Variants in KNTC1 observed in about 807,000 individuals in gnomAD.
KNTC1 encodes the protein kinetochore associated 1.
A neutral mutation model predicts 314.4 loss-of-function variants in KNTC1; 253 were observed. That is an observed-to-expected ratio of 0.80 (90% CI 0.73 to 0.89). The LOEUF (loss-of-function observed/expected upper bound fraction) is 0.89. Among genes scored for constraint, KNTC1 ranks in the 40% least tolerant of loss-of-function variants. The pLI is 0.00. For synonymous variants in KNTC1, 901 were observed against 901.4 expected (o/e 1.00, Z 0.01); for missense variants, 2,475 against 2,572.9 (o/e 0.96, Z 0.82).
At chr12:122,598,971 C>T (rs911242465) in intron 44 of KNTC1, among the ~76,000 whole-genome samples, 15 of 151,560 alleles carry the variant, frequency 9.9e-5, no homozygotes, top group Admixed American at 2.0e-4. Flanking sequence ...TGCCATACCC[C>T]AGTAATTTTT....
At chr12:122,568,162 G>A (rs1378240789) in intron 20 of KNTC1, 99 bp from the exon 21 acceptor site, 2 of 664,384 alleles carry the variant, frequency 3.0e-6, no homozygotes, top group East Asian at 5.3e-5. Context: ...CCTTTATGAA[G>A]AAGAAAACTA....
chr12:122,534,455 C>T (rs546850234), intron 2 of KNTC1, among the ~76,000 whole-genome samples: 1 of 152,256 alleles, frequency 6.6e-6, no homozygotes, highest in African/African-American at 2.4e-5. Flanking sequence ...CCTGCTCATC[C>T]TGAACTGTTT....
intron 63 of KNTC1, among the ~76,000 whole-genome samples, chr12:122,625,040 C>CTTGG (rs1874869885): frequency 1.3e-5 from 2 of 152,104 alleles, no homozygotes; most frequent in African/African-American, 4.8e-5. Context: ...TATTGTCATG[C>CTTGG]TTGGGTATTA....
chr12:122,538,724 G>T, intron 4 of KNTC1, among the ~76,000 whole-genome samples: 1 of 152,176 alleles, frequency 6.6e-6, no homozygotes, highest in Non-Finnish European at 1.5e-5. Flanking sequence ...CAGCGTATGG[G>T]AAAGGGATCC....
chr12:122,554,692 C>T (rs1344871434), intron 16 of KNTC1, among the ~76,000 whole-genome samples: 1 of 151,950 alleles, frequency 6.6e-6, no homozygotes, highest in Non-Finnish European at 1.5e-5. Flanking sequence ...AACAGAAAAT[C>T]TGTGAAAGAA....
At chr12:122,587,372 A>G (rs1384178220) in intron 38 of KNTC1, among the ~76,000 whole-genome samples, 1 of 152,246 alleles carries the variant, frequency 6.6e-6, no homozygotes, top group Admixed American at 6.5e-5. Context: ...TATTATTTTT[A>G]CATTGTTATT....
rs775432207 is a variant in KNTC1 at position 122,604,979 on chromosome 12, G to T, written c.5278G>T (p.Glu1760Ter). 2 of 1,612,936 alleles carry T rather than the reference G, an allele frequency of 1.2e-6. No homozygotes were observed. The highest frequency in any genetic ancestry group is 8.5e-7 in the Non-Finnish European group (1 of 1,179,428). Residue 1760 changes from glutamate to a stop codon, truncating the protein, a stop_gained, in exon 50 of 64, where the codon GAG (glutamate) becomes TAG (stop). Coordinates refer to ENST00000333479, the MANE Select transcript of KNTC1 (RefSeq NM_014708.6). LOFTEE classifies it high-confidence loss of function. ...AVLIAHKLNT[E>*]EYLRVIGKPA... ...GCTCATAGCCCACAAGCTGAACACT[G>T]AGGAATATTTAAGAGTGATCGGAAA...
intron 20 of KNTC1, among the ~76,000 whole-genome samples, chr12:122,566,021 C>T (rs1964310974): frequency 6.9e-6 from 1 of 145,880 alleles, no homozygotes; most frequent in South Asian, 2.2e-4. Context: ...CGGCTCACTG[C>T]CACCTCCGCC....
chr12:122,577,465 G>A (rs1965105962), intron 30 of KNTC1, among the ~76,000 whole-genome samples: 4 of 152,120 alleles, frequency 2.6e-5, no homozygotes, highest in African/African-American at 9.7e-5. Context: ...CATGGCACAT[G>A]TAACAAGCCT....
At position 122,569,665 on chromosome 12, in the gene KNTC1, G is replaced by A. The variant is rs750944705; in HGVS notation, c.1717-16G>A. 6.9e-6 allele frequency: 11 copies of A among 1,597,296 alleles called. No individual in the cohort carries two copies. Among genetic ancestry groups the A allele is most frequent in the Admixed American group, 5.3e-5 (3 of 56,508 alleles). Reference sequence around the variant, plus strand: ...TAAATTTGTCAGATCTTAATTTCTCGCTCCTTATAATTTAGGCAAACTTTG... The same window carrying A: ...TAAATTTGTCAGATCTTAATTTCTCACTCCTTATAATTTAGGCAAACTTTG... On this transcript the variant is annotated splice_polypyrimidine_tract_variant and intron_variant, in intron 21 of 63. Coordinates refer to ENST00000333479, the MANE Select transcript of KNTC1 (RefSeq NM_014708.6).
intron 28 of KNTC1, 37 bp from the exon 29 acceptor site, chr12:122,575,763 A>G: frequency 6.4e-7 from 1 of 1,571,008 alleles, no homozygotes; most frequent in African/African-American, 1.4e-5. Context: ...TTCATAAAAA[A>G]GACAATCCAT....
At chr12:122,568,210 T>C (rs902048017) in intron 20 of KNTC1, 51 bp from the exon 21 acceptor site, 8 of 861,636 alleles carry the variant, frequency 9.3e-6, no homozygotes, top group Non-Finnish European at 1.2e-5. Context: ...TTAAAAGGTA[T>C]AACCTTAATT....
At chr12:122,565,232 C>T (rs1593554521) in intron 20 of KNTC1, among the ~76,000 whole-genome samples, 4 of 136,686 alleles carry the variant, frequency 2.9e-5, no homozygotes, top group East Asian at 2.1e-4. Flanking sequence ...CCCTCTTTCT[C>T]TTGAGTTGTT....
chr12:122,529,585 TATC>T (rs1326605115), intron 1 of KNTC1, among the ~76,000 whole-genome samples: 3 of 152,256 alleles, frequency 2.0e-5, no homozygotes, highest in East Asian at 1.9e-4. Context: ...TCTGGAATCT[TATC>T]ATCCTATGAT....
intron 2 of KNTC1, among the ~76,000 whole-genome samples, chr12:122,532,332 C>T (rs1023295566): frequency 3.3e-5 from 5 of 151,560 alleles, no homozygotes; most frequent in African/African-American, 1.2e-4. Flanking sequence ...CCTCACCCTC[C>T]CGAGTAACTG....
rs1336013936 is a variant in KNTC1 at position 122,584,886 on chromosome 12, G to A, written c.3437-7G>A. ...GAGTTTAATGATTTTTCTCCATTTT[G>A]TTTCAGATTTTTTACTAGATGCTTT... On this transcript the variant is annotated splice_polypyrimidine_tract_variant and splice_region_variant and intron_variant, in intron 35 of 63. Coordinates refer to ENST00000333479, the MANE Select transcript of KNTC1 (RefSeq NM_014708.6). The A allele has an allele frequency of 7.1e-7, 1 of 1,403,314 alleles. No individual in the cohort carries two copies. Among genetic ancestry groups the A allele is most frequent in the Non-Finnish European group, 1.0e-6 (1 of 996,600 alleles). The allele number at this position is 1,403,314 out of a possible 1,614,324, so 86.9% of individuals were successfully genotyped here. A position where few individuals can be genotyped will look rare whatever the true frequency, so the allele number is the denominator to read the frequency against.
chr12:122,621,312 T>C (rs1211828512), intron 60 of KNTC1, among the ~76,000 whole-genome samples: 1 of 152,196 alleles, frequency 6.6e-6, no homozygotes, highest in African/African-American at 2.4e-5. Flanking sequence ...TAGATAGAGA[T>C]CTACATAAAT....
chr12:122,619,353 G>A (rs1409720230), intron 59 of KNTC1, among the ~76,000 whole-genome samples: 1 of 146,576 alleles, frequency 6.8e-6, no homozygotes, highest in East Asian at 2.1e-4. Flanking sequence ...TGTAGTTTTA[G>A]TAGAGACAGC....
chr12:122,562,060 C>T, intron 19 of KNTC1, 86 bp downstream of exon 19: 1 of 1,319,302 alleles, frequency 7.6e-7, no homozygotes, highest in Non-Finnish European at 1.1e-6. Flanking sequence ...CGTATTTTAT[C>T]AAGAGCAAGT....
Sources: gnomAD v4.1 joint callset for allele counts (sites outside exome capture counted in the v4.1 genomes callset) on GRCh38, gnomAD v4.1.1 for gene constraint, MANE v1.5 for transcripts, NCBI Gene and HGNC (gene_info 2026-07-23, HGNC 2026-07-21) for gene names.